BRMS1L: variants seen among roughly 807,000 people sequenced by gnomAD.
BRMS1L encodes the protein breast cancer metastasis-suppressor 1-like protein.
BRMS1L carries 23 observed loss-of-function variants against 50.3 expected under a neutral mutation model. That is an observed-to-expected ratio of 0.46 (90% CI 0.33 to 0.65). The LOEUF (loss-of-function observed/expected upper bound fraction) is 0.65, where lower values mean the gene tolerates loss of function less well. Ranked by LOEUF, BRMS1L falls within the 30% of genes least tolerant of loss-of-function variation. The pLI, the probability that BRMS1L is intolerant of heterozygous loss-of-function variation, is 0.02. For synonymous variants in BRMS1L, 114 were observed against 126.9 expected (o/e 0.90, Z 0.69); for missense variants, 286 against 386.1 (o/e 0.74, Z 2.17).
At chr14:35,870,258 C>T (rs964196465) in intron 9 of BRMS1L, 102 bp from the exon 10 acceptor site, 1 of 662,218 alleles carries the variant, frequency 1.5e-6, no homozygotes, top group Non-Finnish European at 2.7e-6. Context: ...CCTGAGTCTA[C>T]TGTTGTAGGC....
In BRMS1L at chr14:35,837,471, G is replaced by C. The variant is rs1266172207; in HGVS notation, c.441+2548G>C. ...GTTCTGTTTGGCTATTTCTGCACCA[G>C]TATCATAGTATCTTTTTCTATTGCT... On this transcript the variant is annotated intron_variant, in intron 4 of 9. Transcript: ENST00000216807. 2.0e-5 allele frequency among the ~76,000 whole-genome samples: 3 copies of C among 152,182 alleles called. No individual in the cohort carries two copies. In the East Asian group the frequency reaches 5.8e-4, roughly 29 times the overall value.
chr14:35,854,128 T>A (rs1466212582), intron 4 of BRMS1L, among the ~76,000 whole-genome samples: 1 of 152,188 alleles, frequency 6.6e-6, no homozygotes, highest in Non-Finnish European at 1.5e-5. Context: ...TAGTTCTTTT[T>A]AGGTTTATCC....
chr14:35,846,357 C>T (rs1595667565), intron 4 of BRMS1L, among the ~76,000 whole-genome samples: 1 of 151,202 alleles, frequency 6.6e-6, no homozygotes, highest in South Asian at 2.1e-4. Context: ...GATCGTGCCA[C>T]CACACCCTAG....
chr14:35,826,480 G>A lies in BRMS1L; in HGVS notation c.-37G>A. 1 of 1,556,242 alleles carries A rather than the reference G, an allele frequency of 6.4e-7. No individual in the cohort carries two copies. Among genetic ancestry groups the A allele is most frequent in the African/African-American group, 1.4e-5 (1 of 73,880 alleles). ...TCATTGAAGCGGCGGTGGCCGGGCT[G>A]GGCGCCGGTAGTGGAAAGCGACGGC... is the stretch of plus-strand genomic sequence containing the variant. On this transcript the variant is annotated 5_prime_UTR_variant, in exon 1 of 10. Transcript: ENST00000216807.
chr14:35,844,574 A>G (rs2078109047), intron 4 of BRMS1L, among the ~76,000 whole-genome samples: 1 of 152,126 alleles, frequency 6.6e-6, no homozygotes, highest in Admixed American at 6.5e-5. Context: ...AAATGCAGAA[A>G]TCACCCGCCT....
In BRMS1L at chr14:35,870,337, CATTCT is replaced by C. The variant is rs1484120818; in HGVS notation, c.855-22_855-18del. On this transcript the variant is annotated intron_variant, in intron 9 of 9. Coordinates refer to ENST00000216807, the MANE Select transcript of BRMS1L (RefSeq NM_032352.4). Reference sequence around the variant, plus strand: ...GAGGAGACATTGTAATTCATTCATTCATTCTTTTTTTTTTCTTTTTAGTGCTGTAA... The same window carrying C: ...GAGGAGACATTGTAATTCATTCATTCTTTTTTTTTCTTTTTAGTGCTGTAA... 2 of 1,360,122 alleles carry C rather than the reference CATTCT, an allele frequency of 1.5e-6. No individual in the cohort carries two copies. Among genetic ancestry groups the C allele is most frequent in the African/African-American group, 1.5e-5 (1 of 66,892 alleles). 84.3% of individuals were successfully genotyped at this position (1,360,122 alleles called of 1,614,324 possible).
At chr14:35,840,540 T>G (rs1189525397) in intron 4 of BRMS1L, among the ~76,000 whole-genome samples, 1 of 152,216 alleles carries the variant, frequency 6.6e-6, no homozygotes, top group East Asian at 1.9e-4. Context: ...AGTGCATCAG[T>G]TTCAGAACTT....
At chr14:35,859,090 T>TG (rs1179080726) in intron 4 of BRMS1L, among the ~76,000 whole-genome samples, 1 of 151,918 alleles carries the variant, frequency 6.6e-6, no homozygotes, top group Non-Finnish European at 1.5e-5. Flanking sequence ...TACAGGTTCC[T>TG]GCACCACGCC....
At chr14:35,836,265 TC>T (rs991918462) in intron 4 of BRMS1L, among the ~76,000 whole-genome samples, 1 of 152,238 alleles carries the variant, frequency 6.6e-6, no homozygotes, top group Non-Finnish European at 1.5e-5. Flanking sequence ...TTTCACTCTT[TC>T]TGATGACTTG....
At chr14:35,870,315 G>T (rs2078475213) in intron 9 of BRMS1L, 45 bp from the exon 10 acceptor site, 1 of 1,192,700 alleles carries the variant, frequency 8.4e-7, no homozygotes, top group East Asian at 2.4e-5. Context: ...GTGAATTGAG[G>T]AGACATTGTA....
chr14:35,845,738 CAT>C (rs1479146343), intron 4 of BRMS1L, among the ~76,000 whole-genome samples: 2 of 152,108 alleles, frequency 1.3e-5, no homozygotes, highest in African/African-American at 4.8e-5. Flanking sequence ...GTGATATACA[CAT>C]ACACACACAC....
chr14:35,859,075 G>A (rs934801730), intron 4 of BRMS1L, among the ~76,000 whole-genome samples: 1 of 151,730 alleles, frequency 6.6e-6, no homozygotes, highest in African/African-American at 2.4e-5. Flanking sequence ...CCGAGTAGCT[G>A]GGATTACAGG....
chr14:35,841,359 C>A (rs139193458), intron 4 of BRMS1L, among the ~76,000 whole-genome samples: 1 of 151,780 alleles, frequency 6.6e-6, no homozygotes, highest in Non-Finnish European at 1.5e-5. Flanking sequence ...GTCCCCCAGG[C>A]GCAATCTCGG....
At chr14:35,868,200 T>A (rs1247930600) in intron 9 of BRMS1L, among the ~76,000 whole-genome samples, 168 bp downstream of exon 9, 1 of 152,238 alleles carries the variant, frequency 6.6e-6, no homozygotes, top group East Asian at 1.9e-4. Context: ...AGTGTTAATA[T>A]GTATGAACCA....
intron 4 of BRMS1L, among the ~76,000 whole-genome samples, chr14:35,853,388 GATGATGATGTTA>G (rs2078238743): frequency 6.6e-6 from 1 of 151,660 alleles, no homozygotes; most frequent in Non-Finnish European, 1.5e-5. Context: ...TGATTACTTT[GATGATGATGTTA>G]ATGATGATGA....
chr14:35,827,869 G>A (rs2077864959), intron 1 of BRMS1L, among the ~76,000 whole-genome samples: 1 of 152,184 alleles, frequency 6.6e-6, no homozygotes, highest in African/African-American at 2.4e-5. Flanking sequence ...ATTTGGTTTG[G>A]GGTGGTGGGT....
intron 4 of BRMS1L, among the ~76,000 whole-genome samples, chr14:35,850,399 A>G (rs1197309192): frequency 2.0e-5 from 3 of 148,906 alleles, no homozygotes; most frequent in East Asian, 2.0e-4. Flanking sequence ...TAGACATGGC[A>G]TTTCTCCATG....
intron 4 of BRMS1L, among the ~76,000 whole-genome samples, chr14:35,842,209 T>G (rs1255777402): frequency 1.3e-5 from 2 of 152,198 alleles, no homozygotes; most frequent in South Asian, 2.1e-4. Context: ...GTGAATTTGA[T>G]CCTGTCATTA....
In BRMS1L at chr14:35,855,126, A is replaced by C. The variant is rs74421553; in HGVS notation, c.442-7464A>C. On this transcript the variant is annotated intron_variant, in intron 4 of 9. Transcript: ENST00000216807. ...GACCCAGGACCTTTCTCTGTTTCCC[A>C]GATAGCCCTGAAAAGCATGCCTCTA... Among the ~76,000 whole-genome samples the C allele has an allele frequency of 8.8e-3, 1,341 of 152,318 alleles. 12 individuals are homozygous for C. Among genetic ancestry groups the C allele is most frequent in the Non-Finnish European group, 0.014 (926 of 68,026 alleles).
Sources: allele counts gnomAD v4.1 joint callset (sites outside exome capture counted in the v4.1 genomes callset), GRCh38; gene constraint gnomAD v4.1.1; transcripts MANE v1.5; gene names NCBI Gene and HGNC (gene_info 2026-07-23, HGNC 2026-07-21).